Variants in CPA6 observed in about 807,000 individuals in gnomAD.
CPA6 encodes carboxypeptidase B.
CPA6 carries 58 observed loss-of-function variants against 63.3 expected under a neutral mutation model. The ratio of observed to expected loss-of-function variants is 0.92; its 90% CI spans 0.74 to 1.14. CPA6 has a LOEUF of 1.14. CPA6 is among the 50% of genes most tolerant of loss of function. The pLI is 0.00. For synonymous variants in CPA6, 185 were observed against 179.0 expected (o/e 1.03, Z -0.27); for missense variants, 565 against 526.6 (o/e 1.07, Z -0.71).
chr8:67,635,491 G>C (rs1815447420), intron 1 of CPA6, among the ~76,000 whole-genome samples: 1 of 151,652 alleles, frequency 6.6e-6, no homozygotes, highest in African/African-American at 2.4e-5. Flanking sequence ...AAAGGGGCTG[G>C]GCATGGTGGC....
At chr8:67,448,639 G>GAAAAAAAAAAAAA (rs61317091) in intron 8 of CPA6, among the ~76,000 whole-genome samples, 16 of 23,282 alleles carry the variant, frequency 6.9e-4, no homozygotes, top group Admixed American at 1.5e-3. Context: ...CTCAAAAAAG[G>GAAAAAAAAAAAAA]AAAAAAAAAA....
chr8:67,423,577 T>C (rs1453255116), intron 10 of CPA6, among the ~76,000 whole-genome samples: 1 of 152,218 alleles, frequency 6.6e-6, no homozygotes, highest in African/African-American at 2.4e-5. Flanking sequence ...TTCCTGTCCT[T>C]TTCCTGCTTT....
rs149935076 is a variant in CPA6 at position 67,708,418 on chromosome 8, G to A, written c.116+37596C>T. ...TAATAAATCTATTAAAGTTGTTTTC[G>A]AGTTTTTGTCTGCAATTTATAATGA... On this transcript the variant is annotated intron_variant, in intron 1 of 10. Coordinates refer to ENST00000297770, the MANE Select transcript of CPA6 (RefSeq NM_020361.5). 7.4e-3 allele frequency among the ~76,000 whole-genome samples: 1,133 copies of A among 152,180 alleles called. 10 individuals are homozygous for A. Among genetic ancestry groups the A allele is most frequent in the Middle Eastern group, 0.038 (11 of 292 alleles).
chr8:67,427,573 A>C (rs901332291), intron 10 of CPA6, among the ~76,000 whole-genome samples: 1 of 152,254 alleles, frequency 6.6e-6, no homozygotes, highest in Non-Finnish European at 1.5e-5. Flanking sequence ...CATGTAAAAA[A>C]AAGAAATACT....
intron 2 of CPA6, among the ~76,000 whole-genome samples, chr8:67,570,230 A>T (rs1165761559): frequency 1.3e-5 from 2 of 152,212 alleles, no homozygotes; most frequent in Non-Finnish European, 2.9e-5. Context: ...TGTCTTTCAG[A>T]AGTGAGGAAG....
intron 2 of CPA6, among the ~76,000 whole-genome samples, chr8:67,593,884 T>C (rs769978446): frequency 0.01 from 1,512 of 149,046 alleles, 13 homozygotes; most frequent in Non-Finnish European, 0.016. Context: ...TCCATTTACA[T>C]TTAAAGTTAA....
chr8:67,744,305 A>G (rs1186352236), intron 1 of CPA6, among the ~76,000 whole-genome samples: 1 of 152,090 alleles, frequency 6.6e-6, no homozygotes, highest in African/African-American at 2.4e-5. Context: ...TACACTTGGG[A>G]TTAACTTATG....
chr8:67,564,098 G>A (rs1248110557), intron 2 of CPA6, among the ~76,000 whole-genome samples: 2 of 152,084 alleles, frequency 1.3e-5, no homozygotes, highest in Non-Finnish European at 2.9e-5. Context: ...GATGTGGAAG[G>A]GCACCTGCCA....
intron 8 of CPA6, among the ~76,000 whole-genome samples, chr8:67,481,631 A>G (rs1261120088): frequency 6.6e-6 from 1 of 152,212 alleles, no homozygotes; most frequent in African/African-American, 2.4e-5. Context: ...TGTCACTTCC[A>G]TGCTGACCCT....
chr8:67,462,233 AT>A (rs935012366), intron 8 of CPA6, among the ~76,000 whole-genome samples: 5 of 151,968 alleles, frequency 3.3e-5, no homozygotes, highest in African/African-American at 7.3e-5. Context: ...GTGAAAAAAA[AT>A]CTTTTCTACA....
intron 2 of CPA6, among the ~76,000 whole-genome samples, chr8:67,532,557 C>CT (rs1205459032): frequency 6.6e-6 from 1 of 152,098 alleles, no homozygotes; most frequent in East Asian, 1.9e-4. Context: ...TGGCGAGTAT[C>CT]TGTAGACCCA....
At position 67,587,537 on chromosome 8, in the gene CPA6, T is replaced by C. The variant is rs142524113; in HGVS notation, c.192+36639A>G. ...TTTGGACGATTGATGTGAGGGGGCC[T>C]TGAAATGTACTTTCTCAGGTAATGT... On this transcript the variant is annotated intron_variant, in intron 2 of 10. Coordinates refer to ENST00000297770, the MANE Select transcript of CPA6 (RefSeq NM_020361.5). Among the ~76,000 whole-genome samples, 494 of 152,308 alleles carry C rather than the reference T, an allele frequency of 3.2e-3. 1 individual carries two copies. Among genetic ancestry groups the C allele is most frequent in the Non-Finnish European group, 5.2e-3 (351 of 68,018 alleles).
chr8:67,703,014 A>T (rs1297552902), intron 1 of CPA6, among the ~76,000 whole-genome samples: 1 of 152,140 alleles, frequency 6.6e-6, no homozygotes, highest in Non-Finnish European at 1.5e-5. Flanking sequence ...CCCTTGGATG[A>T]ATTCTTTCCT....
chr8:67,471,522 G>A (rs1184794578), intron 8 of CPA6, among the ~76,000 whole-genome samples: 1 of 148,054 alleles, frequency 6.8e-6, no homozygotes, highest in South Asian at 2.1e-4. Context: ...GTTTTTTTTT[G>A]TTTGTTTGTT....
At chr8:67,607,245 TCTTCTTCTC>T (rs1564021510) in intron 2 of CPA6, among the ~76,000 whole-genome samples, 4 of 84,562 alleles carry the variant, frequency 4.7e-5, no homozygotes, top group Non-Finnish European at 7.2e-5. Flanking sequence ...TTCTTCTTCT[TCTTCTTCTC>T]CTCCTCCTCC....
At chr8:67,526,898 A>G (rs1347582932) in intron 2 of CPA6, among the ~76,000 whole-genome samples, 1 of 152,234 alleles carries the variant, frequency 6.6e-6, no homozygotes, top group African/African-American at 2.4e-5. Flanking sequence ...CTCCTACGTT[A>G]GAGGTTTTGA....
intron 2 of CPA6, among the ~76,000 whole-genome samples, chr8:67,609,127 G>A (rs1442443873): frequency 6.6e-6 from 1 of 152,200 alleles, no homozygotes; most frequent in Non-Finnish European, 1.5e-5. Context: ...GAGGCTTGTA[G>A]TCTAAATGTT....
chr8:67,509,045 G>A (rs1422197304), intron 5 of CPA6, among the ~76,000 whole-genome samples: 3 of 152,050 alleles, frequency 2.0e-5, no homozygotes, highest in Admixed American at 1.3e-4. Context: ...GGAAGAGAGC[G>A]AAGGGGGAAG....
intron 8 of CPA6, among the ~76,000 whole-genome samples, chr8:67,449,855 A>G (rs935967886): frequency 1.2e-4 from 15 of 129,510 alleles, no homozygotes; most frequent in African/African-American, 3.9e-4. Context: ...TCTATCCCCC[A>G]GGCTGGATGG....
Sources: gnomAD v4.1 joint callset for allele counts (sites outside exome capture counted in the v4.1 genomes callset) on GRCh38, gnomAD v4.1.1 for gene constraint, MANE v1.5 for transcripts, NCBI Gene and HGNC (gene_info 2026-07-23, HGNC 2026-07-21) for gene names.